Variants in LSAMP observed in about 807,000 individuals in gnomAD.
LSAMP encodes the protein limbic system associated membrane protein.
LSAMP carries 7 observed loss-of-function variants against 38.6 expected under a neutral mutation model. The observed-to-expected ratio is 0.18, with a 90% CI of 0.10 to 0.34. The LOEUF is 0.34. Ranked by LOEUF, LSAMP falls within the 10% of genes least tolerant of loss-of-function variation. The probability of loss-of-function intolerance (pLI) is 1.00; values close to 1 mark genes in which losing one functional copy is unlikely to be tolerated. For missense variants in LSAMP, 313 were observed against 420.0 expected (o/e 0.75, Z 2.23); for synonymous variants, 154 against 166.8 (o/e 0.92, Z 0.59).
chr3:116,223,862 T>C (rs1174688788), intron 1 of LSAMP, among the ~76,000 whole-genome samples: 3 of 152,186 alleles, frequency 2.0e-5, no homozygotes, highest in Non-Finnish European at 4.4e-5. Flanking sequence ...ACAAACTATA[T>C]AGAGAAGATT....
intron 6 of LSAMP, among the ~76,000 whole-genome samples, chr3:115,826,415 C>G (rs1934411694): frequency 6.6e-6 from 1 of 152,078 alleles, no homozygotes; most frequent in African/African-American, 2.4e-5. Context: ...CTGTTTCTGT[C>G]TTTTAAACTT....
At chr3:116,307,610 T>C (rs1043930912) in intron 1 of LSAMP, among the ~76,000 whole-genome samples, 2 of 151,924 alleles carry the variant, frequency 1.3e-5, no homozygotes, top group African/African-American at 4.8e-5. Flanking sequence ...AAAATAGTCA[T>C]GCACTATTAT....
chr3:116,409,333 T>C (rs2048941260), intron 1 of LSAMP, among the ~76,000 whole-genome samples: 1 of 152,056 alleles, frequency 6.6e-6, no homozygotes, highest in African/African-American at 2.4e-5. Flanking sequence ...CTCAAGGAGA[T>C]GAAACATGTC....
At chr3:116,203,492 G>A (rs2046019621) in intron 1 of LSAMP, among the ~76,000 whole-genome samples, 1 of 151,356 alleles carries the variant, frequency 6.6e-6, no homozygotes, top group Non-Finnish European at 1.5e-5. Context: ...CTGGTGCGCT[G>A]CACCCACTAA....
At chr3:116,373,472 T>C (rs1195922465) in intron 1 of LSAMP, among the ~76,000 whole-genome samples, 3 of 151,682 alleles carry the variant, frequency 2.0e-5, no homozygotes, top group Admixed American at 6.6e-5. Context: ...GGCTTAGTTT[T>C]AGAAGATGAA....
At chr3:116,393,995 T>C (rs1434310726) in intron 1 of LSAMP, among the ~76,000 whole-genome samples, 1 of 152,250 alleles carries the variant, frequency 6.6e-6, no homozygotes, top group African/African-American at 2.4e-5. Context: ...ACTGATTTTA[T>C]TATGGCTGGA....
intron 6 of LSAMP, among the ~76,000 whole-genome samples, chr3:115,826,957 T>C (rs993052068): frequency 1.9e-5 from 1 of 51,290 alleles, no homozygotes; most frequent in African/African-American, 1.7e-4. Flanking sequence ...TCATTCCGTC[T>C]TTTTTTTTTT....
intron 3 of LSAMP, among the ~76,000 whole-genome samples, chr3:116,019,286 T>C (rs990580279): frequency 2.0e-5 from 3 of 152,060 alleles, no homozygotes; most frequent in Non-Finnish European, 2.9e-5. Context: ...TTGTAAACTT[T>C]ATAGAGATTA....
chr3:115,942,252 A>G (rs1937947183), intron 3 of LSAMP, among the ~76,000 whole-genome samples: 1 of 152,192 alleles, frequency 6.6e-6, no homozygotes, highest in African/African-American at 2.4e-5. Flanking sequence ...GAGTTCCATC[A>G]TAAATGTTGC....
chr3:116,228,033 C>T (rs62269259), intron 1 of LSAMP, among the ~76,000 whole-genome samples: 8,932 of 151,994 alleles, frequency 0.059, 297 homozygotes, highest in Middle Eastern at 0.11. Flanking sequence ...AAGCCTGGCC[C>T]GAAACAGAAG....
chr3:115,948,244 A>C (rs1938167332), intron 3 of LSAMP, among the ~76,000 whole-genome samples: 1 of 152,216 alleles, frequency 6.6e-6, no homozygotes, highest in Non-Finnish European at 1.5e-5. Context: ...TTTGGTTTCC[A>C]GTTCATTTCT....
At chr3:115,956,084 C>G (rs897362924) in intron 3 of LSAMP, among the ~76,000 whole-genome samples, 1 of 152,028 alleles carries the variant, frequency 6.6e-6, no homozygotes, top group Non-Finnish European at 1.5e-5. Context: ...CCTCTTTGCT[C>G]AAAACTTCAC....
intron 3 of LSAMP, among the ~76,000 whole-genome samples, chr3:115,911,207 G>C (rs536575207): frequency 6.6e-6 from 1 of 152,258 alleles, no homozygotes; most frequent in East Asian, 1.9e-4. Context: ...GACAGCTATA[G>C]TAAAAATATA....
At chr3:116,232,601 G>A (rs2046413736) in intron 1 of LSAMP, among the ~76,000 whole-genome samples, 1 of 151,868 alleles carries the variant, frequency 6.6e-6, no homozygotes, top group Non-Finnish European at 1.5e-5. Context: ...ATTTCCAAGT[G>A]TGGAAAATCA....
rs563643994 is a variant in LSAMP at position 115,887,536 on chromosome 3, A to G, written c.515-34919T>C. 7.2e-4 allele frequency among the ~76,000 whole-genome samples: 110 copies of G among 152,068 alleles called. 1 individual carries two copies. The highest frequency in any genetic ancestry group is 7.0e-3 in the South Asian group (34 of 4,824). On this transcript the variant is annotated intron_variant, in intron 3 of 6. Coordinates refer to ENST00000490035, the MANE Select transcript of LSAMP (RefSeq NM_002338.5). ...GTTTTGCATTAAGTAGAACAACTAT[A>G]TTGAAAGAATTCATGCAGGAAGATG...
intron 3 of LSAMP, among the ~76,000 whole-genome samples, chr3:115,925,513 C>T (rs559038810): frequency 6.6e-6 from 1 of 152,138 alleles, no homozygotes; most frequent in South Asian, 2.1e-4. Flanking sequence ...TTATAGAAGG[C>T]CCTATCTGTC....
chr3:116,215,112 A>C (rs980506071), intron 1 of LSAMP, among the ~76,000 whole-genome samples: 2 of 152,234 alleles, frequency 1.3e-5, no homozygotes, highest in Non-Finnish European at 2.9e-5. Flanking sequence ...AAGAGAGGAC[A>C]TTGTCCTTAT....
At chr3:115,918,397 C>T (rs1490764805) in intron 3 of LSAMP, among the ~76,000 whole-genome samples, 1 of 152,150 alleles carries the variant, frequency 6.6e-6, no homozygotes, top group African/African-American at 2.4e-5. Flanking sequence ...AAAACAAATC[C>T]AGATTCAATC....
chr3:116,003,156 T>G (rs1282648223), intron 3 of LSAMP, among the ~76,000 whole-genome samples: 1 of 152,166 alleles, frequency 6.6e-6, no homozygotes, highest in African/African-American at 2.4e-5. Context: ...TAGCATCATT[T>G]TGTAGATCCT....
Sources: allele counts gnomAD v4.1 joint callset (sites outside exome capture counted in the v4.1 genomes callset), GRCh38; gene constraint gnomAD v4.1.1; transcripts MANE v1.5; gene names NCBI Gene and HGNC (gene_info 2026-07-23, HGNC 2026-07-21).